Variants in ADAM22 observed in about 807,000 individuals in gnomAD.
ADAM22 encodes the protein ADAM metallopeptidase domain 22, also known as disintegrin and metalloproteinase domain-containing protein 22.
A neutral mutation model predicts 144.6 loss-of-function variants in ADAM22; 65 were observed. The observed-to-expected ratio is 0.45, with a 90% CI of 0.37 to 0.55. ADAM22 has a LOEUF of 0.55. Among genes scored for constraint, ADAM22 ranks in the 20% least tolerant of loss-of-function variants. The pLI, the probability that ADAM22 is intolerant of heterozygous loss-of-function variation, is 0.00. For missense variants in ADAM22, 974 were observed against 1,184.9 expected (o/e 0.82, Z 2.61); for synonymous variants, 391 against 412.6 (o/e 0.95, Z 0.63).
intron 4 of ADAM22, among the ~76,000 whole-genome samples, chr7:88,085,658 G>A (rs1440091923): frequency 6.6e-6 from 1 of 152,122 alleles, no homozygotes; most frequent in African/African-American, 2.4e-5. Flanking sequence ...ACATGTATGG[G>A]TTGATGAAAT....
chr7:87,963,299 CCAG>C (rs1848372385), intron 2 of ADAM22, among the ~76,000 whole-genome samples: 1 of 152,094 alleles, frequency 6.6e-6, no homozygotes, highest in Non-Finnish European at 1.5e-5. Context: ...TCCCAGAAAC[CCAG>C]TGGGGGAAGT....
At chr7:88,154,486 AT>A (rs1313323741) in intron 21 of ADAM22, among the ~76,000 whole-genome samples, 8 of 152,124 alleles carry the variant, frequency 5.3e-5, no homozygotes, top group African/African-American at 1.9e-4. Context: ...CACTTTCTAT[AT>A]ATAAATTTCT....
At chr7:87,984,702 A>G (rs1854518044) in intron 3 of ADAM22, among the ~76,000 whole-genome samples, 1 of 152,092 alleles carries the variant, frequency 6.6e-6, no homozygotes, top group South Asian at 2.1e-4. Flanking sequence ...TATTTTTGAG[A>G]CAGGTTCTTG....
intron 27 of ADAM22, among the ~76,000 whole-genome samples, chr7:88,181,066 C>A (rs1846907291): frequency 6.6e-6 from 1 of 152,088 alleles, no homozygotes; most frequent in Admixed American, 6.6e-5. Context: ...TTCACTTGAG[C>A]AAATCTTTAT....
At chr7:88,178,914 G>T in intron 26 of ADAM22, 21 bp from the exon 27 acceptor site, 1 of 1,526,060 alleles carries the variant, frequency 6.6e-7, no homozygotes, top group South Asian at 1.2e-5. Flanking sequence ...TTCTGACTCT[G>T]AAATGTTTAT....
rs545016447 is a variant in ADAM22 at position 88,187,779 on chromosome 7, G to A, written c.2750+1078G>A. ...TATAAGGTGGACTCTCTCTTCCAGT[G>A]TACCATTTAGTTTAGTTATGCATAG... On this transcript the variant is annotated intron_variant, in intron 30 of 31. Coordinates refer to ENST00000413139, the MANE Select transcript of ADAM22 (RefSeq NM_001324418.2). Among the ~76,000 whole-genome samples the A allele has an allele frequency of 2.0e-5, 3 of 152,268 alleles. No homozygotes were observed. The South Asian group carries it at 6.2e-4, about 32-fold the overall frequency.
Position 87,978,344 on chromosome 7 carries a change from T to C in ADAM22, c.255T>C (p.His85=). Residue 85 remains histidine, a synonymous_variant, in exon 3 of 32, where the codon CAT becomes CAC. Transcript: ENST00000413139. ...TCTTTTTGATATTGTAGTTGACTCA[T>C]GTTGACCAAGCAAGCTTCCAGGTTG... ...RGDLGGPQLT[H]VDQASFQVDA... 1 of 1,613,408 alleles carries C rather than the reference T, an allele frequency of 6.2e-7. No individual in the cohort carries two copies.
chr7:88,181,056 T>C (rs927985980), intron 27 of ADAM22, among the ~76,000 whole-genome samples: 1 of 152,130 alleles, frequency 6.6e-6, no homozygotes, highest in African/African-American at 2.4e-5. Context: ...GTTAACCAGG[T>C]TCACTTGAGC....
chr7:88,140,640 C>T (rs920326327), intron 14 of ADAM22, among the ~76,000 whole-genome samples: 2 of 152,016 alleles, frequency 1.3e-5, no homozygotes, highest in African/African-American at 2.4e-5. Flanking sequence ...CCCAGGAGTT[C>T]GAGACCAGCC....
chr7:88,129,416 ATCAT>A (rs1185357375), intron 9 of ADAM22, among the ~76,000 whole-genome samples: 2 of 152,018 alleles, frequency 1.3e-5, no homozygotes, highest in Admixed American at 1.3e-4. Flanking sequence ...GGAAAAAATG[ATCAT>A]TTATTTATGT....
chr7:88,154,748 T>G (rs1227517674), intron 21 of ADAM22, among the ~76,000 whole-genome samples: 2 of 152,166 alleles, frequency 1.3e-5, no homozygotes, highest in Non-Finnish European at 2.9e-5. Context: ...TGAGAAAGCA[T>G]TTTTGTTTAT....
intron 4 of ADAM22, among the ~76,000 whole-genome samples, chr7:88,084,686 A>T (rs1817928622): frequency 6.6e-6 from 1 of 152,198 alleles, no homozygotes; most frequent in African/African-American, 2.4e-5. Flanking sequence ...TATAAATCAA[A>T]GTTGTAACGT....
intron 22 of ADAM22, 89 bp downstream of exon 22, chr7:88,156,095 A>G: frequency 7.0e-7 from 1 of 1,430,158 alleles, no homozygotes; most frequent in Admixed American, 1.9e-5. Flanking sequence ...ATTAATGTAC[A>G]TGTTAGTAGG....
intron 2 of ADAM22, among the ~76,000 whole-genome samples, chr7:87,964,942 G>A (rs1161708713): frequency 6.6e-6 from 1 of 152,128 alleles, no homozygotes; most frequent in Non-Finnish European, 1.5e-5. Flanking sequence ...AGACTACATG[G>A]TTTTAAGACA....
At chr7:88,082,419 A>T (rs916589136) in intron 4 of ADAM22, among the ~76,000 whole-genome samples, 16 of 152,196 alleles carry the variant, frequency 1.1e-4, no homozygotes, top group African/African-American at 3.9e-4. Flanking sequence ...TTCAGGACAT[A>T]GGCATGGGCA....
At chr7:88,122,926 T>G (rs9691240) in intron 7 of ADAM22, among the ~76,000 whole-genome samples, 86,073 of 152,020 alleles carry the variant, frequency 0.57, 25,412 homozygotes, top group East Asian at 0.9. Context: ...CATATTTGCA[T>G]CTGAGTAGTT....
intron 2 of ADAM22, among the ~76,000 whole-genome samples, chr7:87,953,749 G>A (rs1426139368): frequency 2.6e-5 from 4 of 152,084 alleles, no homozygotes; most frequent in African/African-American, 4.8e-5. Context: ...GGGTGTTAAA[G>A]TCTCCCATTA....
chr7:87,960,334 G>T (rs1562859694), intron 2 of ADAM22, among the ~76,000 whole-genome samples: 1 of 152,010 alleles, frequency 6.6e-6, no homozygotes, highest in Admixed American at 6.6e-5. Context: ...GAAGAAGAGA[G>T]CTCCAAGTGC....
chr7:88,124,402 C>T (rs2129494483), intron 7 of ADAM22, among the ~76,000 whole-genome samples: 1 of 151,770 alleles, frequency 6.6e-6, no homozygotes, highest in Non-Finnish European at 1.5e-5. Context: ...CCTGAAGTTA[C>T]ATTGTCTGAT....
Sources: gnomAD v4.1 joint callset for allele counts (sites outside exome capture counted in the v4.1 genomes callset) on GRCh38, gnomAD v4.1.1 for gene constraint, MANE v1.5 for transcripts, NCBI Gene and HGNC (gene_info 2026-07-23, HGNC 2026-07-21) for gene names.